PDE3B: variants seen among roughly 807,000 people sequenced by gnomAD.
PDE3B encodes cGMP-inhibited 3',5'-cyclic phosphodiesterase 3B.
In PDE3B, 66 loss-of-function variants were observed where a neutral mutation model predicts 116.8. That is an observed-to-expected ratio of 0.56 (90% CI 0.46 to 0.69). The LOEUF (loss-of-function observed/expected upper bound fraction) is 0.69, where lower values mean the gene tolerates loss of function less well. Ranked by LOEUF, PDE3B falls within the 30% of genes least tolerant of loss-of-function variation. The pLI is 0.00. For synonymous variants in PDE3B, 595 were observed against 533.6 expected, an observed-to-expected ratio of 1.12 and a Z score of -1.59; for missense variants, 1,384 against 1,368.1, an observed-to-expected ratio of 1.01 and a Z score of -0.18.
At chr11:14,734,259 T>C (rs1438646516) in intron 1 of PDE3B, among the ~76,000 whole-genome samples, 3 of 152,118 alleles carry the variant, frequency 2.0e-5, no homozygotes, top group Admixed American at 1.3e-4. Flanking sequence ...TTTTGTACAA[T>C]TGGGGGTCCC....
rs886788690 is a variant in PDE3B at position 14,644,913 on chromosome 11, A to G, written c.838A>G (p.Ser280Gly). 1 of 1,614,150 alleles carries G rather than the reference A, an allele frequency of 6.2e-7. No individual in the cohort carries two copies. Among genetic ancestry groups the G allele is most frequent in the East Asian group, 2.2e-5 (1 of 44,868 alleles). Reference protein sequence around the residue: ...REAPLHPRLSSAAEEKVPVIR... With the variant: ...REAPLHPRLSGAAEEKVPVIR... The stretch of plus-strand genomic sequence containing the variant: ...AGCGCCTCTTCATCCTCGACTGTCC[A>G]GTGCCGCCGAAGAAAAAGTGCCTGT... Residue 280 changes from serine (S) to glycine (G), a missense_variant, in exon 1 of 16, where the codon AGT becomes GGT. By Grantham distance (56) the Ser-to-Gly change is moderately conservative. Coordinates refer to ENST00000282096, the MANE Select transcript of PDE3B (RefSeq NM_000922.4).
At chr11:14,675,151 T>G (rs1854493388) in intron 1 of PDE3B, among the ~76,000 whole-genome samples, 1 of 152,108 alleles carries the variant, frequency 6.6e-6, no homozygotes, top group Admixed American at 6.6e-5. Flanking sequence ...AGAGTTGGAG[T>G]TGAGGATGAA....
intron 1 of PDE3B, among the ~76,000 whole-genome samples, chr11:14,698,388 C>T (rs919412331): frequency 1.3e-5 from 2 of 151,998 alleles, no homozygotes; most frequent in African/African-American, 4.8e-5. Flanking sequence ...GGTCTCACTT[C>T]ACTGTGCCTG....
At chr11:14,821,059 T>G (rs1165318925) in intron 7 of PDE3B, among the ~76,000 whole-genome samples, 1 of 152,230 alleles carries the variant, frequency 6.6e-6, no homozygotes, top group African/African-American at 2.4e-5. Context: ...CTGAGGACTT[T>G]GATGAGATTG....
intron 1 of PDE3B, among the ~76,000 whole-genome samples, chr11:14,726,687 A>C (rs1010009277): frequency 3.3e-5 from 5 of 152,180 alleles, no homozygotes; most frequent in African/African-American, 1.2e-4. Context: ...CTAAGGACAC[A>C]GCTTTGTTGG....
the PDE3B span, chr11:14,886,069 T>G: frequency 1.4e-6 from 1 of 735,158 alleles, no homozygotes; most frequent in South Asian, 1.6e-5. Flanking sequence ...ATGTTCAGAG[T>G]GCCCTCCTTC....
intron 1 of PDE3B, among the ~76,000 whole-genome samples, chr11:14,651,562 C>T (rs1853575649): frequency 6.6e-6 from 1 of 152,126 alleles, no homozygotes; most frequent in Non-Finnish European, 1.5e-5. Flanking sequence ...CCCCTGGATC[C>T]ACATTCTTAT....
chr11:14,659,522 C>CT (rs1853825158), intron 1 of PDE3B, among the ~76,000 whole-genome samples: 1 of 152,136 alleles, frequency 6.6e-6, no homozygotes, highest in Admixed American at 6.5e-5. Flanking sequence ...AAAAACTTTT[C>CT]TTTAAGTTCA....
intron 5 of PDE3B, among the ~76,000 whole-genome samples, chr11:14,811,416 A>G (rs1311130859): frequency 6.6e-6 from 1 of 152,198 alleles, no homozygotes; most frequent in Admixed American, 6.6e-5. Flanking sequence ...CACCATATTA[A>G]ATAGGGAATC....
chr11:14,809,314 G>C (rs1859051323), intron 5 of PDE3B, among the ~76,000 whole-genome samples: 1 of 152,160 alleles, frequency 6.6e-6, no homozygotes, highest in African/African-American at 2.4e-5. Flanking sequence ...ATTCATAATA[G>C]CTAAAATTAG....
intron 10 of PDE3B, among the ~76,000 whole-genome samples, chr11:14,834,383 A>T (rs1049345975): frequency 2.0e-5 from 3 of 152,200 alleles, no homozygotes; most frequent in Non-Finnish European, 4.4e-5. Flanking sequence ...CTAGATACCA[A>T]AGTAGTGTTT....
intron 11 of PDE3B, among the ~76,000 whole-genome samples, chr11:14,840,325 C>T (rs1309965390): frequency 6.6e-6 from 1 of 152,158 alleles, no homozygotes; most frequent in Non-Finnish European, 1.5e-5. Flanking sequence ...TTGGTAGAAT[C>T]TGAATACTTG....
At chr11:14,759,350 G>C (rs554351019) in intron 1 of PDE3B, among the ~76,000 whole-genome samples, 2 of 152,254 alleles carry the variant, frequency 1.3e-5, no homozygotes, top group African/African-American at 4.8e-5. Context: ...AATGGTACCA[G>C]TTCCTCCTTG....
intron 2 of PDE3B, among the ~76,000 whole-genome samples, chr11:14,777,201 C>G (rs567042483): frequency 6.6e-6 from 1 of 152,010 alleles, no homozygotes; most frequent in African/African-American, 2.4e-5. Context: ...AGAATTTAGC[C>G]AATTTTACAA....
chr11:14,675,012 A>C (rs1166055489), intron 1 of PDE3B, among the ~76,000 whole-genome samples: 1 of 152,198 alleles, frequency 6.6e-6, no homozygotes, highest in Non-Finnish European at 1.5e-5. Flanking sequence ...GGTATAAAGG[A>C]TACGGATGTA....
At chr11:14,659,903 G>A (rs1030784565) in intron 1 of PDE3B, among the ~76,000 whole-genome samples, 1 of 152,116 alleles carries the variant, frequency 6.6e-6, no homozygotes, top group Non-Finnish European at 1.5e-5. Context: ...TAGTAAACAT[G>A]TATTTGACAA....
At chr11:14,857,792 A>C (rs1244222556) in intron 12 of PDE3B, among the ~76,000 whole-genome samples, 1 of 152,160 alleles carries the variant, frequency 6.6e-6, no homozygotes, top group Non-Finnish European at 1.5e-5. Flanking sequence ...TTCATTGTAC[A>C]TTGTGTTGTA....
intron 1 of PDE3B, among the ~76,000 whole-genome samples, chr11:14,724,660 G>C (rs1310426273): frequency 2.0e-5 from 3 of 152,122 alleles, no homozygotes; most frequent in African/African-American, 7.2e-5. Context: ...GTATTAGATT[G>C]GATCACACAG....
At chr11:14,673,875 A>T in intron 1 of PDE3B, 2 of 1,421,322 alleles carry the variant, frequency 1.4e-6, no homozygotes, top group African/African-American at 2.8e-5. Flanking sequence ...GCCCAACATT[A>T]CGTTGAAGTA....
Sources: gnomAD v4.1 joint callset for allele counts (sites outside exome capture counted in the v4.1 genomes callset) on GRCh38, gnomAD v4.1.1 for gene constraint, MANE v1.5 for transcripts, NCBI Gene and HGNC (gene_info 2026-07-23, HGNC 2026-07-21) for gene names.